The following EYA1 variants were observed in gnomAD, a reference collection of about 807,000 sequenced individuals.
The protein encoded by EYA1 is EYA transcriptional coactivator and phosphatase 1.
A neutral mutation model predicts 82.0 loss-of-function variants in EYA1; 16 were observed. The observed-to-expected ratio is 0.20, with a 90% confidence interval of 0.13 to 0.30. The LOEUF (loss-of-function observed/expected upper bound fraction) is 0.30, where lower values mean the gene tolerates loss of function less well. Ranked by LOEUF, EYA1 falls within the 10% of genes least tolerant of loss-of-function variation. The pLI, the probability that EYA1 is intolerant of heterozygous loss-of-function variation, is 1.00. For missense variants in EYA1, 633 were observed against 730.7 expected (o/e 0.87, Z 1.54); for synonymous variants, 261 against 264.4 (o/e 0.99, Z 0.12).
chr8:71,203,187 A>G (rs536360713), intron 17 of EYA1, among the ~76,000 whole-genome samples: 2 of 152,250 alleles, frequency 1.3e-5, no homozygotes, highest in East Asian at 1.9e-4. Context: ...CTGAAGCCCT[A>G]GTTTCTTTAT....
intron 2 of EYA1, among the ~76,000 whole-genome samples, chr8:71,461,176 T>A (rs1219505287): frequency 6.6e-6 from 1 of 152,146 alleles, no homozygotes; most frequent in Non-Finnish European, 1.5e-5. Flanking sequence ...GGCCAGTGAT[T>A]CCTTTGCCCA....
intron 2 of EYA1, among the ~76,000 whole-genome samples, chr8:71,470,515 G>T (rs1809109538): frequency 6.6e-6 from 1 of 151,990 alleles, no homozygotes; most frequent in African/African-American, 2.4e-5. Flanking sequence ...GCCATTAAAA[G>T]TAATGGTAAA....
chr8:71,285,742 T>C (rs1818298480), intron 9 of EYA1, among the ~76,000 whole-genome samples: 1 of 152,224 alleles, frequency 6.6e-6, no homozygotes, highest in Non-Finnish European at 1.5e-5. Context: ...AAAACAGTTG[T>C]TGTTAACAAA....
intron 2 of EYA1, among the ~76,000 whole-genome samples, chr8:71,374,890 A>T (rs1193063470): frequency 6.6e-6 from 1 of 152,222 alleles, no homozygotes; most frequent in African/African-American, 2.4e-5. Context: ...TAAGCCAGAC[A>T]CAGAAAGATA....
At chr8:71,261,680 A>G (rs547892691) in intron 11 of EYA1, among the ~76,000 whole-genome samples, 1 of 152,346 alleles carries the variant, frequency 6.6e-6, no homozygotes, top group South Asian at 2.1e-4. Context: ...AGTGAATCTC[A>G]AACATGGGCC....
intron 2 of EYA1, among the ~76,000 whole-genome samples, chr8:71,402,805 T>C (rs1830026959): frequency 6.6e-6 from 1 of 152,236 alleles, no homozygotes; most frequent in Admixed American, 6.5e-5. Flanking sequence ...TAAATCTAAA[T>C]ATATATGGAT....
At chr8:71,541,356 A>G (rs531704186) in intron 1 of EYA1, among the ~76,000 whole-genome samples, 1 of 152,352 alleles carries the variant, frequency 6.6e-6, no homozygotes, top group East Asian at 1.9e-4. Flanking sequence ...TAAAGTTTTA[A>G]GGATGAAGCC....
chr8:71,368,298 G>T (rs1036687755), intron 2 of EYA1, among the ~76,000 whole-genome samples: 3 of 151,998 alleles, frequency 2.0e-5, no homozygotes, highest in African/African-American at 7.3e-5. Context: ...CGCCCGTAGA[G>T]GAGCCCTCTG....
At chr8:71,423,883 T>C (rs192736300) in intron 2 of EYA1, among the ~76,000 whole-genome samples, 2 of 152,224 alleles carry the variant, frequency 1.3e-5, no homozygotes, top group Non-Finnish European at 2.9e-5. Flanking sequence ...CTGAGTAGAA[T>C]ACAGGTCTTG....
intron 2 of EYA1, among the ~76,000 whole-genome samples, chr8:71,516,811 C>A (rs1391933511): frequency 1.3e-5 from 2 of 152,066 alleles, no homozygotes; most frequent in Non-Finnish European, 2.9e-5. Context: ...TATGGCCAAC[C>A]CTTCCCTACT....
chr8:71,451,633 C>A (rs1807382837), intron 2 of EYA1, among the ~76,000 whole-genome samples: 1 of 152,178 alleles, frequency 6.6e-6, no homozygotes, highest in East Asian at 1.9e-4. Context: ...ACCTTTACCA[C>A]AGAAGGTCAT....
intron 1 of EYA1, among the ~76,000 whole-genome samples, chr8:71,543,329 G>A (rs536808931): frequency 1.3e-3 from 196 of 152,228 alleles, no homozygotes; most frequent in African/African-American, 4.4e-3. Context: ...GTGGCCTGAG[G>A]GAACTTTTTG....
At chr8:71,328,907 A>G (rs942516647) in intron 4 of EYA1, among the ~76,000 whole-genome samples, 1 of 152,154 alleles carries the variant, frequency 6.6e-6, no homozygotes, top group African/African-American at 2.4e-5. Context: ...TCAAGCCACA[A>G]TCACATTGAT....
chr8:71,331,903 A>G (rs1027763712), intron 4 of EYA1, among the ~76,000 whole-genome samples: 1 of 152,154 alleles, frequency 6.6e-6, no homozygotes, highest in Non-Finnish European at 1.5e-5. Flanking sequence ...GCTGAAGTGC[A>G]GTGGTGCAAT....
At chr8:71,377,421 A>G in intron 2 of EYA1, among the ~76,000 whole-genome samples, 1 of 152,228 alleles carries the variant, frequency 6.6e-6, no homozygotes, top group East Asian at 1.9e-4. Flanking sequence ...TGAACAAATA[A>G]AATGGTGGGG....
intron 17 of EYA1, among the ~76,000 whole-genome samples, chr8:71,209,381 C>CT (rs1375923844): frequency 6.6e-6 from 1 of 152,214 alleles, no homozygotes; most frequent in East Asian, 1.9e-4. Flanking sequence ...AGAACTACTG[C>CT]TTAAATGGCA....
chr8:71,481,297 C>T (rs1810136812), intron 2 of EYA1, among the ~76,000 whole-genome samples: 1 of 152,132 alleles, frequency 6.6e-6, no homozygotes, highest in Admixed American at 6.6e-5. Context: ...GCATGAGTAG[C>T]ATTTTTTATT....
intron 2 of EYA1, among the ~76,000 whole-genome samples, chr8:71,421,202 A>G (rs1482678724): frequency 6.6e-6 from 1 of 152,166 alleles, no homozygotes; most frequent in Non-Finnish European, 1.5e-5. Flanking sequence ...CATTACTTCA[A>G]TTCCAGGGGT....
chr8:71,495,035 T>C (rs1047071160), intron 2 of EYA1, among the ~76,000 whole-genome samples: 2 of 151,644 alleles, frequency 1.3e-5, no homozygotes, highest in East Asian at 3.9e-4. Flanking sequence ...CAAAACATAC[T>C]CAGGCAAACC....
Sources: allele counts gnomAD v4.1 joint callset (sites outside exome capture counted in the v4.1 genomes callset), GRCh38; gene constraint gnomAD v4.1.1; transcripts MANE v1.5; gene names NCBI Gene and HGNC (gene_info 2026-07-23, HGNC 2026-07-21).